The following OSBPL6 variants were observed in gnomAD, a reference collection of about 807,000 sequenced individuals.
OSBPL6 encodes oxysterol-binding protein-related protein 6.
OSBPL6 carries 49 observed loss-of-function variants against 125.8 expected under a neutral mutation model. The ratio of observed to expected loss-of-function variants is 0.39; its 90% CI spans 0.31 to 0.49. The LOEUF is 0.49. Among genes scored for constraint, OSBPL6 ranks in the 20% least tolerant of loss-of-function variants. OSBPL6 has a pLI of 0.88. For missense variants in OSBPL6, 986 were observed against 1,135.4 expected, an observed-to-expected ratio of 0.87 and a Z score of 1.89; for synonymous variants, 394 against 391.8, an observed-to-expected ratio of 1.01 and a Z score of -0.07.
chr2:178,304,139 A>G (rs1686542462), intron 2 of OSBPL6, among the ~76,000 whole-genome samples: 1 of 152,110 alleles, frequency 6.6e-6, no homozygotes, highest in Non-Finnish European at 1.5e-5. Context: ...AGGCACTTCA[A>G]ATGCTGCATC....
chr2:178,240,055 TAGA>T (rs1393156981), intron 1 of OSBPL6, among the ~76,000 whole-genome samples: 5 of 152,182 alleles, frequency 3.3e-5, no homozygotes, highest in African/African-American at 9.6e-5. Context: ...TGGATTCAAA[TAGA>T]AGAAGCATAT....
intron 1 of OSBPL6, among the ~76,000 whole-genome samples, chr2:178,284,280 A>G (rs988870176): frequency 1.3e-5 from 2 of 152,142 alleles, no homozygotes. Context: ...TGGGCCAGGC[A>G]TGGTGGCTCA....
At chr2:178,347,236 AAG>A (rs1454287798) in intron 11 of OSBPL6, among the ~76,000 whole-genome samples, 3 of 152,146 alleles carry the variant, frequency 2.0e-5, no homozygotes, top group Non-Finnish European at 4.4e-5. Context: ...CCGCTAGAGG[AAG>A]AGACTCCTCT....
intron 1 of OSBPL6, among the ~76,000 whole-genome samples, chr2:178,270,363 C>T (rs2092350285): frequency 6.6e-6 from 1 of 152,164 alleles, no homozygotes; most frequent in South Asian, 2.1e-4. Flanking sequence ...TAAAAGGTAA[C>T]ATTGAGCACT....
intron 1 of OSBPL6, among the ~76,000 whole-genome samples, chr2:178,282,407 AC>A (rs1684288399): frequency 6.6e-6 from 1 of 152,054 alleles, no homozygotes; most frequent in Admixed American, 6.5e-5. Context: ...CCTTAATCTT[AC>A]CCCCTTGGTC....
intron 1 of OSBPL6, among the ~76,000 whole-genome samples, chr2:178,245,547 T>G (rs2091457699): frequency 6.6e-6 from 1 of 152,138 alleles, no homozygotes; most frequent in African/African-American, 2.4e-5. Flanking sequence ...TACAAAATAC[T>G]ATGTTAGACC....
chr2:178,240,986 T>A (rs2091265531), intron 1 of OSBPL6, among the ~76,000 whole-genome samples: 1 of 152,214 alleles, frequency 6.6e-6, no homozygotes, highest in Non-Finnish European at 1.5e-5. Flanking sequence ...GACTAAATAA[T>A]GTGATAACAA....
At chr2:178,318,026 T>C (rs1256992049) in intron 3 of OSBPL6, among the ~76,000 whole-genome samples, 1 of 152,204 alleles carries the variant, frequency 6.6e-6, no homozygotes, top group Non-Finnish European at 1.5e-5. Context: ...GATTTAGTTA[T>C]GCTGTTGAGT....
At position 178,384,159 on chromosome 2, in the gene OSBPL6, C is replaced by T. The variant is rs780736972; in HGVS notation, c.1996C>T (p.Arg666Cys). ...ATGCATTAGAGAAGACAAGGGATTC[C>T]GCTTTTTCTCAGAACAGGTAAGCGC... ...YECIREDKGF[R>C]FFSEQVSHHP... The change falls in exon 18 of 25, where the codon CGC becomes TGC. Residue 666 changes from arginine (R) to cysteine (C), a missense_variant. Arg to Cys is a radical substitution (Grantham distance 180). This residue lies in a region of OSBPL6 where 843 missense variants were observed against 997.3 expected (regional missense o/e 0.85). Coordinates refer to ENST00000190611, the MANE Select transcript of OSBPL6 (RefSeq NM_032523.4). The T allele has an allele frequency of 1.7e-5, 28 of 1,613,714 alleles. No homozygotes were observed. The highest frequency in any genetic ancestry group is 3.3e-4 in the Middle Eastern group (2 of 6,084).
At chr2:178,280,994 T>C (rs1164084926) in intron 1 of OSBPL6, among the ~76,000 whole-genome samples, 1 of 150,626 alleles carries the variant, frequency 6.6e-6, no homozygotes, top group Non-Finnish European at 1.5e-5. Flanking sequence ...TTTGCTTTTG[T>C]TGCAATTGCT....
At chr2:178,355,432 A>C (rs941640275) in intron 12 of OSBPL6, among the ~76,000 whole-genome samples, 2 of 152,188 alleles carry the variant, frequency 1.3e-5, no homozygotes, top group African/African-American at 4.8e-5. Flanking sequence ...CAGAAATACA[A>C]ACTGCCATCA....
At chr2:178,338,700 A>G (rs2154081429) in intron 9 of OSBPL6, among the ~76,000 whole-genome samples, 1 of 152,354 alleles carries the variant, frequency 6.6e-6, no homozygotes, top group East Asian at 1.9e-4. Flanking sequence ...TGTGCTTCCC[A>G]TGTGGCAAAA....
At chr2:178,224,815 G>A (rs138417533) in intron 1 of OSBPL6, among the ~76,000 whole-genome samples, 6,521 of 152,262 alleles carry the variant, frequency 0.043, 189 homozygotes, top group Middle Eastern at 0.099. Context: ...TGCACCTGTA[G>A]TCCCAGCTAC....
chr2:178,230,199 G>A (rs2090758033), intron 1 of OSBPL6, among the ~76,000 whole-genome samples: 1 of 152,198 alleles, frequency 6.6e-6, no homozygotes, highest in African/African-American at 2.4e-5. Flanking sequence ...ATTGAGTAGA[G>A]CTAAATGGCC....
At chr2:178,389,354 G>A (rs766353719) in intron 21 of OSBPL6, among the ~76,000 whole-genome samples, 1 of 152,088 alleles carries the variant, frequency 6.6e-6, no homozygotes, top group Non-Finnish European at 1.5e-5. Context: ...GTCAAAAAAG[G>A]CATCATCTAA....
intron 1 of OSBPL6, among the ~76,000 whole-genome samples, chr2:178,222,711 C>T (rs144632497): frequency 6.6e-6 from 1 of 152,190 alleles, no homozygotes; most frequent in East Asian, 1.9e-4. Flanking sequence ...GTCCTTTTAA[C>T]ATTTGAAAAG....
intron 3 of OSBPL6, among the ~76,000 whole-genome samples, chr2:178,309,743 G>C (rs190175407): frequency 1.6e-4 from 25 of 152,280 alleles, no homozygotes; most frequent in Non-Finnish European, 2.8e-4. Context: ...GGCTCTTTGT[G>C]TGTGTGATCA....
At chr2:178,330,657 C>A (rs1017358882) in intron 5 of OSBPL6, among the ~76,000 whole-genome samples, 1 of 152,236 alleles carries the variant, frequency 6.6e-6, no homozygotes, top group Non-Finnish European at 1.5e-5. Context: ...CGAGGCCTGA[C>A]TGCCTGCCAT....
rs530292299 is a variant in OSBPL6, at chr2:178,375,074, G to A, written c.1533+1047G>A. 1.0e-3 allele frequency among the ~76,000 whole-genome samples: 153 copies of A among 152,294 alleles called. 2 individuals are homozygous for A. The highest frequency in any genetic ancestry group is 9.5e-3 in the Admixed American group (146 of 15,290). On this transcript the variant is annotated intron_variant, in intron 15 of 24. Transcript: ENST00000190611. ...AATTTAATGATCTGTGATGGTAACTGATACATACTCTCAGATGGACAGAAT... is the reference window on the plus strand; with the variant it reads ...AATTTAATGATCTGTGATGGTAACTAATACATACTCTCAGATGGACAGAAT...
Sources: allele counts gnomAD v4.1 joint callset (sites outside exome capture counted in the v4.1 genomes callset), GRCh38; gene constraint gnomAD v4.1.1; regional missense constraint gnomAD v4.1.1; transcripts MANE v1.5; gene names NCBI Gene and HGNC (gene_info 2026-07-23, HGNC 2026-07-21).